CDC42SE2: variants seen among roughly 807,000 people sequenced by gnomAD.
The protein encoded by CDC42SE2 is CDC42 small effector protein 2.
In CDC42SE2, 3 loss-of-function variants were observed where a neutral mutation model predicts 11.5. The ratio of observed to expected loss-of-function variants is 0.26; its 90% CI spans 0.12 to 0.67. The LOEUF is 0.67. Among genes scored for constraint, CDC42SE2 ranks in the 30% least tolerant of loss-of-function variants. CDC42SE2 has a pLI of 0.80. For missense variants in CDC42SE2, 82 were observed against 106.8 expected, an observed-to-expected ratio of 0.77 and a Z score of 1.02; for synonymous variants, 33 against 34.8, an observed-to-expected ratio of 0.95 and a Z score of 0.18.
intron 1 of CDC42SE2, among the ~76,000 whole-genome samples, chr5:131,313,228 T>G (rs1757969059): frequency 1.3e-5 from 2 of 152,060 alleles, no homozygotes; most frequent in Admixed American, 1.3e-4. Flanking sequence ...GTGATCTGCC[T>G]GCCTCGGCCT....
the CDC42SE2 span, among the ~76,000 whole-genome samples, chr5:131,229,168 T>G: frequency 7.4e-5 from 11 of 149,614 alleles, no homozygotes; most frequent in Admixed American, 2.7e-4. Flanking sequence ...CCTTATGGGG[T>G]GTGTGTGTGT....
At chr5:131,305,640 A>AT (rs2149719457) in intron 1 of CDC42SE2, among the ~76,000 whole-genome samples, 1 of 152,154 alleles carries the variant, frequency 6.6e-6, no homozygotes, top group Admixed American at 6.5e-5. Flanking sequence ...TTCCTTATAT[A>AT]TTTTGGATAT....
At chr5:131,234,362 G>T in the CDC42SE2 span, among the ~76,000 whole-genome samples, 1 of 152,294 alleles carries the variant, frequency 6.6e-6, no homozygotes, top group East Asian at 1.9e-4. Context: ...GATAGGCCGG[G>T]CGCAGTGGCT....
chr5:131,338,575 T>A (rs551470501), intron 2 of CDC42SE2, among the ~76,000 whole-genome samples: 1 of 152,246 alleles, frequency 6.6e-6, no homozygotes, highest in African/African-American at 2.4e-5. Context: ...TGTTGAGACT[T>A]CATTTTCTAA....
intron 3 of CDC42SE2, among the ~76,000 whole-genome samples, chr5:131,380,879 G>T (rs1008643865): frequency 1.6e-4 from 25 of 152,154 alleles, no homozygotes; most frequent in Non-Finnish European, 2.6e-4. Flanking sequence ...CCACTTCTTA[G>T]ACCCACCTCA....
At chr5:131,250,672 C>T (rs1017608768) in intron 1 of CDC42SE2, among the ~76,000 whole-genome samples, 2 of 152,162 alleles carry the variant, frequency 1.3e-5, no homozygotes, top group South Asian at 4.1e-4. Flanking sequence ...TGTCATTACA[C>T]ATTTGTCAAA....
intron 3 of CDC42SE2, among the ~76,000 whole-genome samples, chr5:131,365,877 G>A (rs1388716993): frequency 6.6e-6 from 1 of 152,196 alleles, no homozygotes; most frequent in Non-Finnish European, 1.5e-5. Context: ...AGCTACTCGG[G>A]AGGCTGAGGC....
chr5:131,249,849 C>T lies in CDC42SE2; in HGVS notation n.107+4250C>T, dbSNP rs182882010. Reference sequence around the variant, plus strand: ...AGTGAGCTATGATTGTACCACTGCACTCCAGTCTGGACAACAGAGTGAGAT... The same window carrying T: ...AGTGAGCTATGATTGTACCACTGCATTCCAGTCTGGACAACAGAGTGAGAT... On this transcript the variant is annotated intron_variant and non_coding_transcript_variant, in intron 1 of 3. Coordinates refer to the CDC42SE2 transcript ENST00000502840. Among the ~76,000 whole-genome samples the T allele has an allele frequency of 2.9e-4, 44 of 152,112 alleles. 1 individual carries two copies. In the East Asian group the frequency reaches 8.1e-3, roughly 28 times the overall value.
rs1216060547 is a variant in CDC42SE2, at chr5:131,392,709, T to TTCA, written c.*1621_*1623dup. The TTCA allele has an allele frequency of 6.6e-6, 1 of 152,376 alleles. No homozygotes were observed. The highest frequency in any genetic ancestry group is 1.5e-5 in the Non-Finnish European group (1 of 68,052). The allele number at this position is 152,376 out of a possible 1,614,324, so 9.4% of individuals were successfully genotyped here. The stretch of plus-strand genomic sequence containing the variant: ...CTCCTCCAGTCCAATCCTGAGCATC[T>TTCA]TCATCTTATTAATTAGCTGTTCGTT... On this transcript the variant is annotated 3_prime_UTR_variant, in exon 5 of 5. Transcript: ENST00000505065.
chr5:131,240,531 C>G (rs958095750), upstream of CDC42SE2, among the ~76,000 whole-genome samples: 3 of 152,116 alleles, frequency 2.0e-5, no homozygotes, highest in African/African-American at 7.2e-5. Context: ...ACAAACGCGT[C>G]GGGGTATATT....
intron 1 of CDC42SE2, among the ~76,000 whole-genome samples, chr5:131,295,382 C>T (rs963492695): frequency 6.6e-6 from 1 of 152,000 alleles, no homozygotes; most frequent in African/African-American, 2.4e-5. Flanking sequence ...ACCTTAATGT[C>T]TATCTGTAGA....
intron 1 of CDC42SE2, among the ~76,000 whole-genome samples, chr5:131,307,497 T>C (rs1183112318): frequency 6.6e-6 from 1 of 152,154 alleles, no homozygotes; most frequent in Non-Finnish European, 1.5e-5. Flanking sequence ...TCCAAGTCTT[T>C]GCTATTGTGA....
chr5:131,320,207 A>C (rs865793621), intron 2 of CDC42SE2, among the ~76,000 whole-genome samples: 2 of 151,562 alleles, frequency 1.3e-5, no homozygotes, highest in Non-Finnish European at 2.9e-5. Context: ...CAACATAATG[A>C]AACCCTGTCT....
In CDC42SE2 at chr5:131,394,053, C is replaced by A. The variant is rs905438966; in HGVS notation, c.*2962C>A. The stretch of plus-strand genomic sequence containing the variant: ...AAAAAGATACGGTATTAACCTTGGA[C>A]ATAATTTTTTTTAGGGAGGCAGCTT... On this transcript the variant is annotated 3_prime_UTR_variant, in exon 5 of 5. Transcript: ENST00000505065. 6.6e-6 allele frequency: 1 copy of A among 152,246 alleles called. No homozygotes were observed. Among genetic ancestry groups the A allele is most frequent in the Non-Finnish European group, 1.5e-5 (1 of 68,020 alleles). 9.4% of individuals were successfully genotyped at this position (152,246 alleles called of 1,614,324 possible).
intron 1 of CDC42SE2, among the ~76,000 whole-genome samples, chr5:131,266,290 T>C (rs1756860626): frequency 1.3e-5 from 2 of 152,156 alleles, no homozygotes; most frequent in Non-Finnish European, 2.9e-5. Context: ...TCTGTCTTGA[T>C]TATTATGAAA....
At chr5:131,257,974 G>A (rs192672340) in intron 2 of CDC42SE2, among the ~76,000 whole-genome samples, 9 of 152,226 alleles carry the variant, frequency 5.9e-5, no homozygotes, top group African/African-American at 1.9e-4. Flanking sequence ...CTCAAGATAC[G>A]GGGAGAAGTA....
chr5:131,275,892 G>A (rs371554846), intron 1 of CDC42SE2, among the ~76,000 whole-genome samples: 12 of 151,434 alleles, frequency 7.9e-5, no homozygotes, highest in Non-Finnish European at 1.2e-4. Context: ...AAAAAAAAGC[G>A]TATATTTATT....
Position 131,327,841 on chromosome 5 carries a change from A to G in CDC42SE2, c.-286+11697A>G, listed in dbSNP as rs149456943. On this transcript the variant is annotated intron_variant, in intron 2 of 4. Transcript: ENST00000505065. ...TACATAATATGTGATATACATACAA[A>G]CACCATATTATCTTTATATACTCTG... 4.6e-5 allele frequency among the ~76,000 whole-genome samples: 7 copies of G among 152,312 alleles called. No individual in the cohort carries two copies. The East Asian group carries it at 1.2e-3, about 25-fold the overall frequency.
intron 3 of CDC42SE2, among the ~76,000 whole-genome samples, chr5:131,378,296 AAAT>A (rs1350371534): frequency 6.6e-6 from 1 of 152,240 alleles, no homozygotes; most frequent in Non-Finnish European, 1.5e-5. Context: ...TTTCATCAAA[AAAT>A]GTCAAATCCA....
Sources: allele counts gnomAD v4.1 joint callset (sites outside exome capture counted in the v4.1 genomes callset), GRCh38; gene constraint gnomAD v4.1.1; transcripts MANE v1.5; gene names NCBI Gene and HGNC (gene_info 2026-07-23, HGNC 2026-07-21).